RFLNA: variants seen among roughly 807,000 people sequenced by gnomAD.
RFLNA encodes the protein refilin A.
A neutral mutation model predicts 7.8 loss-of-function variants in RFLNA; 5 were observed. The observed-to-expected ratio is 0.64, with a 90% confidence interval of 0.34 to 1.35. The LOEUF (loss-of-function observed/expected upper bound fraction) is 1.35. RFLNA is among the 40% of genes most tolerant of loss of function. The pLI, the probability that RFLNA is intolerant of heterozygous loss-of-function variation, is 0.04. For missense variants in RFLNA, 278 were observed against 305.5 expected (o/e 0.91, Z 0.67); for synonymous variants, 141 against 131.3 (o/e 1.07, Z -0.50).
Position 124,295,521 on chromosome 12 carries a change from C to CCCCCAG in RFLNA, c.108_113dup (p.Ser37_Pro38dup), listed in dbSNP as rs989421114. 4.6e-5 allele frequency: 58 copies of CCCCCAG among 1,269,402 alleles called. No individual in the cohort carries two copies. Among genetic ancestry groups the CCCCCAG allele is most frequent in the East Asian group, 1.2e-4 (4 of 32,118 alleles). The allele number at this position is 1,269,402 out of a possible 1,614,324, so 78.6% of individuals were successfully genotyped here. On this transcript the variant is annotated inframe_insertion, in exon 1 of 3. Coordinates refer to ENST00000546355, the MANE Select transcript of RFLNA (RefSeq NM_001365156.1). ...CTGGACAGCCCCGACTCCGGGCTGC[C>CCCCCAG]CCCCAGCCCCAGCCCCAGCCCGCCC...
At chr12:124,300,459 G>A (rs932770773) in intron 1 of RFLNA, among the ~76,000 whole-genome samples, 7 of 152,212 alleles carry the variant, frequency 4.6e-5, no homozygotes, top group African/African-American at 1.7e-4. Flanking sequence ...GGGACCCTTG[G>A]GACTCTTGGA....
At chr12:124,310,918 AAT>A (rs2034232646) in intron 1 of RFLNA, among the ~76,000 whole-genome samples, 1 of 152,174 alleles carries the variant, frequency 6.6e-6, no homozygotes. Flanking sequence ...AGGCAGCTCA[AAT>A]GGTCTGAAGC....
At chr12:124,298,537 G>A (rs777271892) in intron 1 of RFLNA, among the ~76,000 whole-genome samples, 5 of 152,210 alleles carry the variant, frequency 3.3e-5, no homozygotes, top group Non-Finnish European at 4.4e-5. Context: ...TGGGAATCAG[G>A]CATTGGTCCC....
chr12:124,290,597 T>C (rs1410044949), upstream of RFLNA, among the ~76,000 whole-genome samples: 2 of 152,226 alleles, frequency 1.3e-5, no homozygotes, highest in Non-Finnish European at 2.9e-5. The surrounding 1 kb of genome is among the most constrained non-coding windows in gnomAD (Gnocchi z 4.0). Context: ...TGCTTGTGTG[T>C]ATGTGCATAT....
At chr12:124,300,369 A>G (rs1304674029) in intron 1 of RFLNA, among the ~76,000 whole-genome samples, 2 of 152,136 alleles carry the variant, frequency 1.3e-5, no homozygotes, top group Admixed American at 1.3e-4. Context: ...ATTGCAAGAG[A>G]AGCCATCCCT....
Position 124,295,520 on chromosome 12 carries a change from C to T in RFLNA, c.91C>T (p.Pro31Ser). ...GLLDSPDSGL[P>S]PSPSPSPPFY... is the part of the protein sequence containing the mutation. The stretch of plus-strand genomic sequence containing the variant: ...GCTGGACAGCCCCGACTCCGGGCTG[C>T]CCCCCAGCCCCAGCCCCAGCCCGCC... Residue 31 changes from proline to serine, a missense_variant, in exon 1 of 3, where the codon CCC becomes TCC. Coordinates refer to ENST00000546355, the MANE Select transcript of RFLNA (RefSeq NM_001365156.1). 4 of 1,268,916 alleles carry T rather than the reference C, an allele frequency of 3.2e-6. No homozygotes were observed. Among genetic ancestry groups the T allele is most frequent in the Non-Finnish European group, 3.0e-6 (3 of 1,009,712 alleles). The allele number at this position is 1,268,916 out of a possible 1,614,324, so 78.6% of individuals were successfully genotyped here.
chr12:124,300,300 T>A (rs1470954634), intron 1 of RFLNA, among the ~76,000 whole-genome samples: 1 of 152,190 alleles, frequency 6.6e-6, no homozygotes, highest in Non-Finnish European at 1.5e-5. Context: ...GTGGGTGGAT[T>A]TCTGAAGAGT....
chr12:124,310,597 G>A (rs898634857), intron 1 of RFLNA, among the ~76,000 whole-genome samples: 4 of 148,698 alleles, frequency 2.7e-5, no homozygotes, highest in African/African-American at 1.0e-4. Flanking sequence ...GGGGTCCTTA[G>A]GCCACTTTCT....
upstream of RFLNA, among the ~76,000 whole-genome samples, chr12:124,290,568 A>T (rs1287618117): frequency 6.6e-6 from 1 of 152,018 alleles, no homozygotes; most frequent in African/African-American, 2.4e-5. The surrounding 1 kb of genome is among the most constrained non-coding windows in gnomAD (Gnocchi z 4.0). Flanking sequence ...GTGTACATGT[A>T]TATGTGTGTG....
intron 1 of RFLNA, among the ~76,000 whole-genome samples, chr12:124,310,151 T>C (rs1204882525): frequency 1.3e-4 from 10 of 77,678 alleles, no homozygotes; most frequent in African/African-American, 3.9e-4. Flanking sequence ...CTAGCCTGGG[T>C]GACAGAGAGA....
chr12:124,303,911 G>C (rs756620564), intron 1 of RFLNA, among the ~76,000 whole-genome samples: 2 of 152,188 alleles, frequency 1.3e-5, no homozygotes, highest in Non-Finnish European at 2.9e-5. Context: ...CGCATGGCCA[G>C]GGCAGGTGAG....
chr12:124,310,193 A>AAAAAAAAAAAC, intron 1 of RFLNA, among the ~76,000 whole-genome samples: 2 of 147,210 alleles, frequency 1.4e-5, no homozygotes, highest in African/African-American at 2.5e-5. Flanking sequence ...AAAAAAAAAA[A>AAAAAAAAAAAC]AAAGCCTTTA....
rs1484067057 is a variant in RFLNA, at chr12:124,314,452, G to A, written c.578G>A (p.Trp193Ter). The change falls in exon 3 of 3, where the codon TGG becomes TAG. Residue 193 changes from tryptophan (W) to a stop codon, truncating the protein, a stop_gained. Transcript: ENST00000546355. LOFTEE classifies it low-confidence loss of function (END_TRUNC). ...LHCSLGRPSRWFTASVQLQLC... is the reference protein window; with the variant it reads ...LHCSLGRPSR Reference sequence around the variant, plus strand: ...TGCAGCCTGGGCCGGCCCAGCCGCTGGTTCACCGCCAGCGTGCAGCTGCAG... The same window carrying A: ...TGCAGCCTGGGCCGGCCCAGCCGCTAGTTCACCGCCAGCGTGCAGCTGCAG... 3.1e-6 allele frequency: 5 copies of A among 1,601,202 alleles called. No individual in the cohort carries two copies. Among genetic ancestry groups the A allele is most frequent in the African/African-American group, 1.3e-5 (1 of 74,916 alleles).
intron 1 of RFLNA, among the ~76,000 whole-genome samples, chr12:124,303,722 G>A (rs1047709947): frequency 6.6e-5 from 10 of 152,322 alleles, no homozygotes; most frequent in Non-Finnish European, 1.2e-4. Flanking sequence ...GGGCCTTGCC[G>A]ATGGCACAGC....
chr12:124,299,629 T>G (rs1036097524), intron 1 of RFLNA, among the ~76,000 whole-genome samples: 1 of 152,236 alleles, frequency 6.6e-6, no homozygotes. Context: ...CCTGAGTTAC[T>G]TCACTTAGAA....
At chr12:124,310,585 T>TG (rs1379491973) in intron 1 of RFLNA, among the ~76,000 whole-genome samples, 2 of 99,788 alleles carry the variant, frequency 2.0e-5, no homozygotes, top group African/African-American at 8.4e-5. Context: ...CAGGATGGGG[T>TG]GGGGGTCCTT....
chr12:124,306,825 G>T lies in RFLNA; in HGVS notation c.208-4993G>T, dbSNP rs1455088286. Among the ~76,000 whole-genome samples the T allele has an allele frequency of 6.6e-6, 1 of 152,128 alleles. No individual in the cohort carries two copies. The highest frequency in any genetic ancestry group is 1.9e-4 in the East Asian group (1 of 5,174). The stretch of plus-strand genomic sequence containing the variant: ...GGCGGCGGGGAGGGGACAGATGTAG[G>T]AGATATCAAGCTAGGTCCCTGCAGG... On this transcript the variant is annotated intron_variant, in intron 1 of 2. Transcript: ENST00000546355. The surrounding 1 kb of genome is among the most constrained non-coding windows in gnomAD (Gnocchi z 5.2).
intron 1 of RFLNA, among the ~76,000 whole-genome samples, chr12:124,304,519 T>C (rs991198680): frequency 2.0e-5 from 3 of 152,252 alleles, no homozygotes; most frequent in Non-Finnish European, 2.9e-5. Flanking sequence ...GCTGCCTTTG[T>C]CGGCGCCCAC....
At chr12:124,293,486 G>A (rs530477622), upstream of RFLNA, among the ~76,000 whole-genome samples, 4 of 151,738 alleles carry the variant, frequency 2.6e-5, no homozygotes, top group East Asian at 3.9e-4. Context: ...CACCGCTTTC[G>A]TCCTAGTCAG....
Sources: gnomAD v4.1 joint callset for allele counts (sites outside exome capture counted in the v4.1 genomes callset) on GRCh38, gnomAD v4.1.1 for gene constraint, Gnocchi (gnomAD v3.1) non-coding constraint, MANE v1.5 for transcripts, NCBI Gene and HGNC (gene_info 2026-07-23, HGNC 2026-07-21) for gene names.